FARS2: variants seen among roughly 807,000 people sequenced by gnomAD.
FARS2 encodes the protein phenylalanine--tRNA ligase, mitochondrial.
FARS2 carries 40 observed loss-of-function variants against 46.4 expected under a neutral mutation model. That is an observed-to-expected ratio of 0.86 (90% CI 0.67 to 1.12). The LOEUF is 1.12. FARS2 is among the 50% of genes most tolerant of loss of function. FARS2 has a pLI of 0.00. For missense variants in FARS2, 513 were observed against 567.9 expected, an observed-to-expected ratio of 0.90 and a Z score of 0.98; for synonymous variants, 234 against 214.9, an observed-to-expected ratio of 1.09 and a Z score of -0.78.
intron 6 of FARS2, among the ~76,000 whole-genome samples, chr6:5,669,409 G>A (rs1778334009): frequency 6.6e-6 from 1 of 151,184 alleles, no homozygotes; most frequent in Non-Finnish European, 1.5e-5. Flanking sequence ...ACCTTTTGTG[G>A]GAAATGTTTT....
At chr6:5,335,429 C>A (rs563930624) in intron 1 of FARS2, among the ~76,000 whole-genome samples, 1 of 152,148 alleles carries the variant, frequency 6.6e-6, no homozygotes, top group African/African-American at 2.4e-5. Flanking sequence ...TTGATGGACT[C>A]TTTTTCATCT....
chr6:5,720,190 C>A (rs1227297496), intron 6 of FARS2, among the ~76,000 whole-genome samples: 1 of 151,794 alleles, frequency 6.6e-6, no homozygotes, highest in Non-Finnish European at 1.5e-5. Context: ...AAATTTTTAT[C>A]TTGATGTAGG....
intron 6 of FARS2, among the ~76,000 whole-genome samples, chr6:5,754,736 G>A (rs887854529): frequency 1.3e-5 from 2 of 152,162 alleles, no homozygotes; most frequent in Admixed American, 1.3e-4. Flanking sequence ...TATTCCATTA[G>A]CTCCTGAACT....
rs570879884 is a variant in FARS2, at chr6:5,702,880, T to C, written c.1218-68411T>C. On this transcript the variant is annotated intron_variant, in intron 6 of 6. Coordinates refer to ENST00000274680, the MANE Select transcript of FARS2 (RefSeq NM_006567.5). ...CTGGACAGGGTCTTGGGGGGACTTA[T>C]CTTTCCTGTACCCCCTGGGATGTCA... 1.6e-3 allele frequency among the ~76,000 whole-genome samples: 247 copies of C among 152,274 alleles called. 1 individual carries two copies. The highest frequency in any genetic ancestry group is 5.3e-3 in the African/African-American group (221 of 41,546).
At chr6:5,639,855 C>T (rs1776723858) in intron 6 of FARS2, among the ~76,000 whole-genome samples, 2 of 152,144 alleles carry the variant, frequency 1.3e-5, no homozygotes, top group Admixed American at 6.5e-5. Context: ...GGCTGGAACC[C>T]AGAGGTCTTT....
chr6:5,616,205 A>T (rs1289693962), intron 6 of FARS2, among the ~76,000 whole-genome samples: 2 of 152,032 alleles, frequency 1.3e-5, no homozygotes, highest in Non-Finnish European at 2.9e-5. Flanking sequence ...CTGTCTCCTA[A>T]CTTTACAGAA....
At chr6:5,367,977 C>T (rs534168731) in intron 1 of FARS2, among the ~76,000 whole-genome samples, 2 of 152,150 alleles carry the variant, frequency 1.3e-5, no homozygotes, top group African/African-American at 4.8e-5. Context: ...AGTAATGTCA[C>T]TTTGTGATCT....
chr6:5,271,812 C>T (rs545197184), intron 1 of FARS2, among the ~76,000 whole-genome samples: 4 of 152,096 alleles, frequency 2.6e-5, no homozygotes, highest in East Asian at 1.9e-4. Flanking sequence ...GTGCCCACCT[C>T]GGCCTCCCAA....
Position 5,269,495 on chromosome 6 carries a change from GAGAAA to G in FARS2, c.-22+7840_-22+7844del, listed in dbSNP as rs748389994. On this transcript the variant is annotated intron_variant, in intron 1 of 6. Transcript: ENST00000274680. ...ATGAAAATAACCAAAAAAAAAAAAA[GAGAAA>G]AGAAGAGTCCTTTCATTGCTGTTTA... Among the ~76,000 whole-genome samples, 205 of 145,524 alleles carry G rather than the reference GAGAAA, an allele frequency of 1.4e-3. 1 individual carries two copies. Among genetic ancestry groups the G allele is most frequent in the Middle Eastern group, 0.011 (3 of 282 alleles).
At chr6:5,579,928 T>G (rs1342540460) in intron 5 of FARS2, among the ~76,000 whole-genome samples, 4 of 152,158 alleles carry the variant, frequency 2.6e-5, no homozygotes, top group Non-Finnish European at 5.9e-5. Flanking sequence ...TTTGTTTGTT[T>G]TTGTTGTTGT....
chr6:5,666,729 A>C (rs1403790108), intron 6 of FARS2, among the ~76,000 whole-genome samples: 1 of 152,154 alleles, frequency 6.6e-6, no homozygotes, highest in Non-Finnish European at 1.5e-5. Flanking sequence ...CTGGATATAC[A>C]CCCAAAGGAA....
intron 2 of FARS2, among the ~76,000 whole-genome samples, chr6:5,376,741 A>G (rs185215683): frequency 2.4e-4 from 36 of 152,328 alleles, no homozygotes; most frequent in Middle Eastern, 3.4e-3. Flanking sequence ...AATGCACCCA[A>G]TAACAAAAAC....
At chr6:5,462,451 C>G (rs933660336) in intron 4 of FARS2, among the ~76,000 whole-genome samples, 3 of 152,060 alleles carry the variant, frequency 2.0e-5, no homozygotes, top group Non-Finnish European at 4.4e-5. Flanking sequence ...TACCTAAGAA[C>G]TATTTGACTA....
rs571001540 is a variant in FARS2, at chr6:5,400,421, G to T, written c.613-4121G>T. 2.6e-5 allele frequency among the ~76,000 whole-genome samples: 4 copies of T among 151,816 alleles called. No individual in the cohort carries two copies. The South Asian group carries it at 8.3e-4, about 32-fold the overall frequency. On this transcript the variant is annotated intron_variant, in intron 2 of 6. Coordinates refer to ENST00000274680, the MANE Select transcript of FARS2 (RefSeq NM_006567.5). ...AGTTTTCAGGTGGAAAGACCTTTAT[G>T]TGTGTGTGTGTTTGTATGTTGTTAA...
In FARS2 at chr6:5,504,744, A is replaced by G. The variant is rs918196241; in HGVS notation, c.905-40436A>G. Among the ~76,000 whole-genome samples, 5 of 152,342 alleles carry G rather than the reference A, an allele frequency of 3.3e-5. 1 individual carries two copies. The South Asian group carries it at 8.3e-4, about 25-fold the overall frequency. ...TATGCCAAGACCAATTACTATTTAT[A>G]TTACTTTTAAATGTTTATAATTAAC... is the stretch of plus-strand genomic sequence containing the variant. On this transcript the variant is annotated intron_variant, in intron 4 of 6. Coordinates refer to ENST00000274680, the MANE Select transcript of FARS2 (RefSeq NM_006567.5).
chr6:5,399,127 T>TA (rs1202636806), intron 2 of FARS2, among the ~76,000 whole-genome samples: 3 of 125,844 alleles, frequency 2.4e-5, no homozygotes, highest in African/African-American at 9.4e-5. Flanking sequence ...TTTATATTAT[T>TA]TTATTATTAT....
chr6:5,771,528 G>T lies in FARS2; in HGVS notation c.*99G>T. On this transcript the variant is annotated 3_prime_UTR_variant, in exon 7 of 7. Transcript: ENST00000274680. ...TGAACTGGGGCATCAATCATCTTTT[G>T]ATAAATGGATCAGTTTTAGGACTTT... 7.9e-7 allele frequency: 1 copy of T among 1,266,454 alleles called. No homozygotes were observed. 78.5% of individuals were successfully genotyped at this position (1,266,454 alleles called of 1,614,324 possible).
chr6:5,685,047 G>A lies in FARS2; in HGVS notation c.1217+71727G>A, dbSNP rs555056591. Among the ~76,000 whole-genome samples the A allele has an allele frequency of 2.6e-5, 4 of 152,226 alleles. No homozygotes were observed. In the South Asian group the frequency reaches 6.2e-4, roughly 24 times the overall value. On this transcript the variant is annotated intron_variant, in intron 6 of 6. Coordinates refer to ENST00000274680, the MANE Select transcript of FARS2 (RefSeq NM_006567.5). Reference sequence around the variant, plus strand: ...TGACCCTAAACACCGTGGAACCCATGGAGGCTCATGATATCAGTGTGTGGG... The same window carrying A: ...TGACCCTAAACACCGTGGAACCCATAGAGGCTCATGATATCAGTGTGTGGG...
intron 2 of FARS2, among the ~76,000 whole-genome samples, chr6:5,391,055 G>T (rs1057291654): frequency 6.6e-6 from 1 of 152,226 alleles, no homozygotes; most frequent in Non-Finnish European, 1.5e-5. Flanking sequence ...TATTCAGGGT[G>T]CCTAAAGCAG....
Sources: gnomAD v4.1 joint callset for allele counts (sites outside exome capture counted in the v4.1 genomes callset) on GRCh38, gnomAD v4.1.1 for gene constraint, MANE v1.5 for transcripts, NCBI Gene and HGNC (gene_info 2026-07-23, HGNC 2026-07-21) for gene names.